CEP135: variants seen among roughly 807,000 people sequenced by gnomAD.
CEP135 encodes the protein centrosomal protein 135, also known as centrosomal protein of 135 kDa.
Under a neutral mutation model 157.3 loss-of-function variants are expected in CEP135, and 142 were observed. That is an observed-to-expected ratio of 0.90 (90% CI 0.79 to 1.04). The LOEUF is 1.04. Ranked by LOEUF, CEP135 falls within the 50% of genes least tolerant of loss-of-function variation. The pLI is 0.00. For missense variants in CEP135, 1,317 were observed against 1,309.2 expected (o/e 1.01, Z -0.09); for synonymous variants, 396 against 439.8 (o/e 0.90, Z 1.25).
intron 11 of CEP135, among the ~76,000 whole-genome samples, chr4:55,976,246 A>AG (rs1249568358): frequency 2.0e-5 from 3 of 150,874 alleles, no homozygotes; most frequent in African/African-American, 7.4e-5. Context: ...AAAAAAAAAA[A>AG]AAAGAAAGAA....
Position 55,954,288 on chromosome 4 carries a change from A to G in CEP135, c.377A>G (p.His126Arg), listed in dbSNP as rs932194901. ...DLKFLNNQYAHKLKLLEKESK... is the reference protein window; with the variant it reads ...DLKFLNNQYARKLKLLEKESK... ...AAATTTCTGAATAACCAATATGCTCATAAACTCAAACTGTTGGAGAAAGAG... is the reference window on the plus strand; with the variant it reads ...AAATTTCTGAATAACCAATATGCTCGTAAACTCAAACTGTTGGAGAAAGAG... Residue 126 changes from histidine to arginine, a missense_variant, in exon 4 of 26, where the codon CAT becomes CGT. Transcript: ENST00000257287. 1 of 1,611,216 alleles carries G rather than the reference A, an allele frequency of 6.2e-7. No homozygotes were observed. The highest frequency in any genetic ancestry group is 8.5e-7 in the Non-Finnish European group (1 of 1,178,852).
chr4:55,966,200 G>C, intron 8 of CEP135: 1 of 191,054 alleles, frequency 5.2e-6, no homozygotes. Context: ...TTTTGCTCAA[G>C]AATCCTTTTT....
rs1371440884 is a variant in CEP135, at chr4:55,952,637, CATT to C, written c.113+396_113+398del. On this transcript the variant is annotated intron_variant, in intron 2 of 25. Transcript: ENST00000257287. The stretch of plus-strand genomic sequence containing the variant: ...GGATACGTTCTGAGAAACATGTCAT[CATT>C]AGGTGATTTTTTCGTTGTACCAACA... The C allele has an allele frequency of 3.4e-5, 6 of 177,428 alleles. No homozygotes were observed. The East Asian group carries it at 9.1e-4, about 27-fold the overall frequency. 11.0% of individuals were successfully genotyped at this position (177,428 alleles called of 1,614,324 possible). A position where few individuals can be genotyped will look rare whatever the true frequency, so the allele number is the denominator to read the frequency against.
At chr4:56,023,890 AAT>A (rs1490739447) in intron 24 of CEP135, among the ~76,000 whole-genome samples, 4 of 138,768 alleles carry the variant, frequency 2.9e-5, no homozygotes, top group African/African-American at 1.0e-4. Flanking sequence ...TATATAATGT[AAT>A]ATATATAATA....
At chr4:56,016,969 G>A (rs1730797206) in intron 21 of CEP135, among the ~76,000 whole-genome samples, 2 of 152,040 alleles carry the variant, frequency 1.3e-5, no homozygotes, top group East Asian at 1.9e-4. Flanking sequence ...CCACCCAGCC[G>A]TTTTAATAGC....
At chr4:55,990,623 C>G (rs1421408419) in intron 14 of CEP135, among the ~76,000 whole-genome samples, 2 of 151,812 alleles carry the variant, frequency 1.3e-5, no homozygotes, top group Non-Finnish European at 2.9e-5. Context: ...TTCAGCCTCC[C>G]TAGGAGCTAG....
intron 24 of CEP135, among the ~76,000 whole-genome samples, chr4:56,022,609 T>G (rs1055046599): frequency 6.6e-6 from 1 of 152,028 alleles, no homozygotes; most frequent in Non-Finnish European, 1.5e-5. Context: ...ACTGAAGAAC[T>G]CAAGTTCTTT....
intron 25 of CEP135, among the ~76,000 whole-genome samples, chr4:56,026,368 G>A (rs997943205): frequency 4.6e-5 from 7 of 152,050 alleles, no homozygotes; most frequent in Admixed American, 3.3e-4. Flanking sequence ...CATAAGCCCT[G>A]GTCTAAAAGT....
chr4:55,998,471 AC>A lies in CEP135; in HGVS notation c.2010-829del, dbSNP rs1295466410. On this transcript the variant is annotated intron_variant, in intron 15 of 25. Transcript: ENST00000257287. ...GTACATCCTTTCTTTTGCTCCCTGA[AC>A]CAAGTCTTCAATCTGCAGGAAATGC... Among the ~76,000 whole-genome samples the A allele has an allele frequency of 2.0e-5, 3 of 152,262 alleles. No individual in the cohort carries two copies. In the East Asian group the frequency reaches 5.8e-4, roughly 29 times the overall value.
chr4:55,968,937 A>G, intron 8 of CEP135, 126 bp from the exon 9 acceptor site: 2 of 598,800 alleles, frequency 3.3e-6, no homozygotes, highest in Non-Finnish European at 5.6e-6. Context: ...ATTGATAGGG[A>G]TAAAGCCTCA....
intron 6 of CEP135, among the ~76,000 whole-genome samples, chr4:55,961,453 G>C (rs1283725664): frequency 6.6e-6 from 1 of 151,890 alleles, no homozygotes; most frequent in African/African-American, 2.4e-5. Flanking sequence ...TTTTTAAGCT[G>C]TTTTCCCAAT....
At chr4:55,966,200 G>T in intron 8 of CEP135, 1 of 191,054 alleles carries the variant, frequency 5.2e-6, no homozygotes. Context: ...TTTTGCTCAA[G>T]AATCCTTTTT....
chr4:55,961,341 T>C (rs1728673370), intron 6 of CEP135, among the ~76,000 whole-genome samples: 1 of 152,192 alleles, frequency 6.6e-6, no homozygotes. Context: ...ACCAATTTAT[T>C]GTGGTTTGCA....
intron 25 of CEP135, 70 bp downstream of exon 25, chr4:56,024,684 C>A: frequency 1.8e-6 from 2 of 1,090,128 alleles, no homozygotes; most frequent in Non-Finnish European, 2.8e-6. Context: ...TAGTTTTCTG[C>A]ATCAGGAAAG....
At chr4:56,026,564 A>G (rs1364964188) in intron 25 of CEP135, among the ~76,000 whole-genome samples, 1 of 152,192 alleles carries the variant, frequency 6.6e-6, no homozygotes, top group African/African-American at 2.4e-5. Flanking sequence ...GAAACTTACT[A>G]CAATCCAATT....
chr4:55,951,712 T>C (rs1728367263), intron 1 of CEP135, among the ~76,000 whole-genome samples: 4 of 152,238 alleles, frequency 2.6e-5, no homozygotes, highest in African/African-American at 7.2e-5. Context: ...TCTATTTTAA[T>C]TGAGTATTTT....
intron 4 of CEP135, among the ~76,000 whole-genome samples, chr4:55,956,972 G>A (rs766853943): frequency 1.3e-5 from 2 of 152,046 alleles, no homozygotes; most frequent in Admixed American, 1.3e-4. Flanking sequence ...AACATATTAA[G>A]CCTGGGCATA....
intron 25 of CEP135, among the ~76,000 whole-genome samples, chr4:56,029,418 G>C (rs1054776946): frequency 1.3e-5 from 2 of 152,118 alleles, no homozygotes; most frequent in Non-Finnish European, 2.9e-5. Context: ...AAGCTATTTA[G>C]TGGCCTCTAG....
In CEP135 at chr4:56,009,868, C is replaced by A; in HGVS notation, c.2470C>A (p.Gln824Lys). ...EIAFKENRRL[Q>K]DDLATMAREN... ...CGCTTTTAAGGAAAACAGAAGACTG[C>A]AAGATGACCTGGCTACAATGGCAAG... The change falls in exon 19 of 26, where the codon CAA becomes AAA. Residue 824 changes from glutamine (Q) to lysine (K), a missense_variant. Gln to Lys is a moderately conservative substitution (Grantham distance 53). Coordinates refer to ENST00000257287, the MANE Select transcript of CEP135 (RefSeq NM_025009.5). 6.2e-7 allele frequency: 1 copy of A among 1,613,638 alleles called. No individual in the cohort carries two copies. The highest frequency in any genetic ancestry group is 1.1e-5 in the South Asian group (1 of 90,866).
Sources: allele counts gnomAD v4.1 joint callset (sites outside exome capture counted in the v4.1 genomes callset), GRCh38; gene constraint gnomAD v4.1.1; transcripts MANE v1.5; gene names NCBI Gene and HGNC (gene_info 2026-07-23, HGNC 2026-07-21).